The following ZNF24 variants were observed in gnomAD, a reference collection of about 807,000 sequenced individuals.
ZNF24 encodes the protein retinoic acid suppression protein A.
In ZNF24, 11 loss-of-function variants were observed where a neutral mutation model predicts 40.9. That is an observed-to-expected ratio of 0.27 (90% CI 0.17 to 0.45). The LOEUF is 0.45. Ranked by LOEUF, ZNF24 falls within the 20% of genes least tolerant of loss-of-function variation. The pLI, the probability that ZNF24 is intolerant of heterozygous loss-of-function variation, is 1.00. For synonymous variants in ZNF24, 139 were observed against 154.7 expected, an observed-to-expected ratio of 0.90 and a Z score of 0.75; for missense variants, 293 against 437.7, an observed-to-expected ratio of 0.67 and a Z score of 2.95.
intron 1 of ZNF24, among the ~76,000 whole-genome samples, chr18:35,341,960 G>A (rs534604840): frequency 1.3e-5 from 2 of 152,316 alleles, no homozygotes; most frequent in African/African-American, 2.4e-5. Context: ...CACTTTGGGA[G>A]GCTGAGGCAG....
At chr18:35,339,378 T>C (rs954620008) in intron 3 of ZNF24, among the ~76,000 whole-genome samples, 4 of 152,166 alleles carry the variant, frequency 2.6e-5, no homozygotes, top group African/African-American at 7.2e-5. Flanking sequence ...TGACTCTAGG[T>C]AGACGTTGAA....
rs752640611 is a variant in ZNF24 at position 35,332,572 on chromosome 18, T to C, written c.*4660A>G. 2 of 152,634 alleles carry C rather than the reference T, an allele frequency of 1.3e-5. No homozygotes were observed. The highest frequency in any genetic ancestry group is 2.9e-5 in the Non-Finnish European group (2 of 68,048). The allele number at this position is 152,634 out of a possible 1,614,324, so 9.5% of individuals were successfully genotyped here. A position where few individuals can be genotyped will look rare whatever the true frequency, so the allele number is the denominator to read the frequency against. ...CTTACATGGTCCTTGGTTCCTGGGA[T>C]CTCCATAAAGCCTTCTTTCCAGTAG... is the stretch of plus-strand genomic sequence containing the variant. On this transcript the variant is annotated 3_prime_UTR_variant, in exon 4 of 4. Coordinates refer to ENST00000261332, the MANE Select transcript of ZNF24 (RefSeq NM_006965.4).
In ZNF24 at chr18:35,337,170, AT is replaced by A; in HGVS notation, c.*61del. On this transcript the variant is annotated 3_prime_UTR_variant, in exon 4 of 4. Transcript: ENST00000261332. ...TATTCTGCATCATTTCATATTTTAAATTTTGTCTTCATTTCTGAAGAAAAAG... is the reference window on the plus strand; with the variant it reads ...TATTCTGCATCATTTCATATTTTAAATTTGTCTTCATTTCTGAAGAAAAAG... The A allele has an allele frequency of 7.6e-7, 1 of 1,317,864 alleles. No individual in the cohort carries two copies. Among genetic ancestry groups the A allele is most frequent in the Non-Finnish European group, 1.0e-6 (1 of 1,002,416 alleles). The allele number at this position is 1,317,864 out of a possible 1,614,324, so 81.6% of individuals were successfully genotyped here.
At position 35,333,747 on chromosome 18, in the gene ZNF24, T is replaced by C. The variant is rs1181973372; in HGVS notation, c.*3485A>G. The stretch of plus-strand genomic sequence containing the variant: ...ACTGCAAATGTGAAACCTGATCCAA[T>C]AAATTTCTAGTTATTCATCCTACAG... On this transcript the variant is annotated 3_prime_UTR_variant, in exon 4 of 4. Transcript: ENST00000261332. 1 of 152,174 alleles carries C rather than the reference T, an allele frequency of 6.6e-6. No homozygotes were observed. The highest frequency in any genetic ancestry group is 1.5e-5 in the Non-Finnish European group (1 of 68,004). The allele number at this position is 152,174 out of a possible 1,614,324, so 9.4% of individuals were successfully genotyped here. A position where few individuals can be genotyped will look rare whatever the true frequency, so the allele number is the denominator to read the frequency against.
Position 35,336,471 on chromosome 18 carries a change from TATTA to T in ZNF24, c.*757_*760del, listed in dbSNP as rs1214414470. On this transcript the variant is annotated 3_prime_UTR_variant, in exon 4 of 4. Transcript: ENST00000261332. The stretch of plus-strand genomic sequence containing the variant: ...CTACCTTCATTATTTTACAACTGTT[TATTA>T]TTTAGACTGTATGCTTTTTAATAAT... 17 of 152,358 alleles carry T rather than the reference TATTA, an allele frequency of 1.1e-4. No individual in the cohort carries two copies. Among genetic ancestry groups the T allele is most frequent in the African/African-American group, 4.1e-4 (17 of 41,586 alleles). 9.4% of individuals were successfully genotyped at this position (152,358 alleles called of 1,614,324 possible).
rs770747755 is a variant in ZNF24, at chr18:35,337,277, C to T, written c.1062G>A (p.Gln354=). ...YSQSSNLFRH[Q]RRHNAEKLLN... is the part of the protein sequence containing the mutation. ...GAAGTTTTTCTGCATTGTGTCTTCT[C>T]TGATGTCTAAAAAGATTTGAGCTTT... The change falls in exon 4 of 4, where the codon CAG becomes CAA. Residue 354 remains glutamine (Q), a synonymous_variant. Coordinates refer to ENST00000261332, the MANE Select transcript of ZNF24 (RefSeq NM_006965.4). The T allele has an allele frequency of 5.8e-6, 9 of 1,543,890 alleles. No individual in the cohort carries two copies. The highest frequency in any genetic ancestry group is 1.7e-4 in the Middle Eastern group (1 of 5,780).
chr18:35,343,924 A>G (rs530018805), intron 1 of ZNF24: 2 of 153,006 alleles, frequency 1.3e-5, no homozygotes, highest in East Asian at 3.9e-4. Context: ...CGGATTTCAG[A>G]TGACCAAAGG....
rs948800463 is a variant in ZNF24, at chr18:35,335,900, A to T, written c.*1332T>A. The T allele has an allele frequency of 1.3e-5, 2 of 152,206 alleles. No individual in the cohort carries two copies. The highest frequency in any genetic ancestry group is 6.5e-5 in the Admixed American group (1 of 15,272). 9.4% of individuals were successfully genotyped at this position (152,206 alleles called of 1,614,324 possible). ...GCTATTAGAGATTGATTAGTTCTTTAAAAAGATTCACAAACTTCCAAATTG... is the reference window on the plus strand; with the variant it reads ...GCTATTAGAGATTGATTAGTTCTTTTAAAAGATTCACAAACTTCCAAATTG... On this transcript the variant is annotated 3_prime_UTR_variant, in exon 4 of 4. Transcript: ENST00000261332.
In ZNF24 at chr18:35,336,242, C is replaced by A. The variant is rs1048403958; in HGVS notation, c.*990G>T. 1 of 152,578 alleles carries A rather than the reference C, an allele frequency of 6.6e-6. No homozygotes were observed. Among genetic ancestry groups the A allele is most frequent in the Non-Finnish European group, 1.5e-5 (1 of 68,014 alleles). The allele number at this position is 152,578 out of a possible 1,614,324, so 9.5% of individuals were successfully genotyped here. On this transcript the variant is annotated 3_prime_UTR_variant, in exon 4 of 4. Transcript: ENST00000261332. ...CTGCTTTTTTAGCCTGACGTTCAACCCTTTTGTACCAAAGGAATAAAAAAT... is the reference window on the plus strand; with the variant it reads ...CTGCTTTTTTAGCCTGACGTTCAACACTTTTGTACCAAAGGAATAAAAAAT...
At chr18:35,338,433 T>C in intron 3 of ZNF24, 2 of 985,332 alleles carry the variant, frequency 2.0e-6, no homozygotes, top group Non-Finnish European at 1.2e-6. Context: ...CTTAGAAAAA[T>C]CGTTATTTCT....
At chr18:35,339,000 A>G in intron 3 of ZNF24, 3 of 1,535,144 alleles carry the variant, frequency 2.0e-6, no homozygotes, top group Non-Finnish European at 2.6e-6. Context: ...GTCCCCTCAG[A>G]TGTGAAGAAA....
Position 35,336,928 on chromosome 18 carries a change from C to A in ZNF24, c.*304G>T. 1 of 244,154 alleles carries A rather than the reference C, an allele frequency of 4.1e-6. No individual in the cohort carries two copies. The highest frequency in any genetic ancestry group is 7.8e-6 in the Non-Finnish European group (1 of 128,912). 15.1% of individuals were successfully genotyped at this position (244,154 alleles called of 1,614,324 possible). On this transcript the variant is annotated 3_prime_UTR_variant, in exon 4 of 4. Transcript: ENST00000261332. ...GTATTTGTCTTAAAAAAGAAACTTT[C>A]AAGAAAGGGACAATGAATCAGGTAG...
chr18:35,339,329 C>T (rs962633170), intron 3 of ZNF24, among the ~76,000 whole-genome samples: 2 of 152,112 alleles, frequency 1.3e-5, no homozygotes, highest in Non-Finnish European at 2.9e-5. Flanking sequence ...AAAAAAATTA[C>T]TCCAAATATT....
At chr18:35,341,626 A>C in intron 1 of ZNF24, among the ~76,000 whole-genome samples, 1 of 152,304 alleles carries the variant, frequency 6.6e-6, no homozygotes, top group African/African-American at 2.4e-5. Context: ...CAGTGGGACA[A>C]GATATGGAGG....
chr18:35,338,718 A>ATCTTTTTGTTAATTATTT (rs2044936369), intron 3 of ZNF24: 1 of 1,155,746 alleles, frequency 8.7e-7, no homozygotes, highest in Non-Finnish European at 1.1e-6. Context: ...TGGAGACTTG[A>ATCTTTTTGTTAATTATTT]AAAACAGAGG....
Position 35,337,872 on chromosome 18 carries a change from C to CTTTAT in ZNF24, c.569-103_569-102insATAAA, listed in dbSNP as rs199532155. On this transcript the variant is annotated intron_variant, in intron 3 of 3. Coordinates refer to ENST00000261332, the MANE Select transcript of ZNF24 (RefSeq NM_006965.4). ...ATGAACTAAAATAGCTAGCACACAT[C>CTTTAT]TATAAACCACTCTGACACTGGTGTT... 2.4e-3 allele frequency: 2,260 copies of CTTTAT among 938,988 alleles called. 77 individuals carry two copies. The Admixed American group carries it at 0.056, about 23-fold the overall frequency. 58.2% of individuals were successfully genotyped at this position (938,988 alleles called of 1,614,324 possible).
chr18:35,340,016 T>G lies in ZNF24; in HGVS notation c.421-40A>C, dbSNP rs760160801. ...ATTTGATTCAGAGAAGGAACTGTAA[T>G]GAGAATCAGAACTAAAAACACGTAA... is the stretch of plus-strand genomic sequence containing the variant. On this transcript the variant is annotated intron_variant, in intron 2 of 3. Transcript: ENST00000261332. This position sits in a 1 kb window ranked among gnomAD's most constrained non-coding sequence, Gnocchi z 4.6. The G allele has an allele frequency of 6.3e-7, 1 of 1,586,332 alleles. No homozygotes were observed. Among genetic ancestry groups the G allele is most frequent in the South Asian group, 1.1e-5 (1 of 88,946 alleles).
intron 1 of ZNF24, chr18:35,343,909 G>T: frequency 6.5e-6 from 1 of 154,032 alleles, no homozygotes; most frequent in South Asian, 1.9e-4. Context: ...CAGCACTCAG[G>T]ACCGCGGATT....
In ZNF24 at chr18:35,334,153, A is replaced by C. The variant is rs1311877007; in HGVS notation, c.*3079T>G. The C allele has an allele frequency of 1.3e-5, 2 of 152,210 alleles. No homozygotes were observed. Among genetic ancestry groups the C allele is most frequent in the Admixed American group, 1.3e-4 (2 of 15,292 alleles). 9.4% of individuals were successfully genotyped at this position (152,210 alleles called of 1,614,324 possible). A position where few individuals can be genotyped will look rare whatever the true frequency, so the allele number is the denominator to read the frequency against. On this transcript the variant is annotated 3_prime_UTR_variant, in exon 4 of 4. Transcript: ENST00000261332. ...ATCATGACTTCTCGGTAACACTGTG[A>C]AAGGAAATATCCTTTTTCATTTTAC... is the stretch of plus-strand genomic sequence containing the variant.
Sources: allele counts gnomAD v4.1 joint callset (sites outside exome capture counted in the v4.1 genomes callset), GRCh38; gene constraint gnomAD v4.1.1; non-coding constraint Gnocchi (gnomAD v3.1); transcripts MANE v1.5; gene names NCBI Gene and HGNC (gene_info 2026-07-23, HGNC 2026-07-21).